IRAK3: variants seen among roughly 807,000 people sequenced by gnomAD.
IRAK3 encodes interleukin 1 receptor associated kinase 3, also known as interleukin-1 receptor-associated kinase 3.
Under a neutral mutation model 56.6 loss-of-function variants are expected in IRAK3, and 57 were observed. The ratio of observed to expected loss-of-function variants is 1.01; its 90% CI spans 0.81 to 1.26. The LOEUF (loss-of-function observed/expected upper bound fraction) is 1.26, where lower values mean the gene tolerates loss of function less well. Ranked by LOEUF, IRAK3 falls within the 50% of genes most tolerant of loss-of-function variation. The pLI is 0.00. For synonymous variants in IRAK3, 258 were observed against 255.7 expected (o/e 1.01, Z -0.09); for missense variants, 703 against 719.0 (o/e 0.98, Z 0.25).
intron 1 of IRAK3, chr12:66,196,772 C>T: frequency 8.5e-7 from 1 of 1,179,596 alleles, no homozygotes. Context: ...TTGTTTTACT[C>T]TTTTGGAATT....
chr12:66,222,685 G>A (rs923310207), intron 6 of IRAK3, among the ~76,000 whole-genome samples: 1 of 151,464 alleles, frequency 6.6e-6, no homozygotes, highest in Non-Finnish European at 1.5e-5. Flanking sequence ...TTAAAATTAG[G>A]CTTTTTTTAG....
chr12:66,196,052 A>G (rs2052449791), intron 1 of IRAK3, among the ~76,000 whole-genome samples: 1 of 151,254 alleles, frequency 6.6e-6, no homozygotes. Context: ...CCTCTCACAT[A>G]CTTTATGTAT....
chr12:66,246,675 A>C (rs1490814914), intron 11 of IRAK3, among the ~76,000 whole-genome samples: 1 of 152,242 alleles, frequency 6.6e-6, no homozygotes, highest in Admixed American at 6.5e-5. Context: ...CTCAGGCTTT[A>C]TCATCTATAA....
At chr12:66,247,673 C>A in intron 11 of IRAK3, 22 bp from the exon 12 acceptor site, 1 of 1,387,420 alleles carries the variant, frequency 7.2e-7, no homozygotes, top group Non-Finnish European at 1.0e-6. Context: ...AATTTAATGT[C>A]TGTTTGCTTC....
At chr12:66,246,984 A>T (rs190144408) in intron 11 of IRAK3, among the ~76,000 whole-genome samples, 1 of 152,262 alleles carries the variant, frequency 6.6e-6, no homozygotes, top group Non-Finnish European at 1.5e-5. Context: ...AACTTCTGGC[A>T]TTTAGTCAGG....
intron 5 of IRAK3, among the ~76,000 whole-genome samples, chr12:66,213,347 G>T (rs1039832113): frequency 1.3e-5 from 2 of 152,134 alleles, no homozygotes; most frequent in Non-Finnish European, 2.9e-5. Context: ...TTTGGGTGGG[G>T]ACACAGCAAA....
In IRAK3 at chr12:66,248,138, C is replaced by T. The variant is rs1481511911; in HGVS notation, c.1758C>T (p.Ser586=). The T allele has an allele frequency of 1.9e-6, 3 of 1,612,554 alleles. No homozygotes were observed. The highest frequency in any genetic ancestry group is 2.2e-5 in the East Asian group (1 of 44,866). The stretch of plus-strand genomic sequence containing the variant: ...AGAGCAGCTGTTCCTCCAAATTTTC[C>T]TGGGATGAATATGAACAGTACAAAA... ...PVESSCSSKF[S]WDEYEQYKKE is the part of the protein sequence containing the mutation. Residue 586 remains serine, a synonymous_variant, in exon 12 of 12, where the codon TCC becomes TCT. Coordinates refer to ENST00000261233, the MANE Select transcript of IRAK3 (RefSeq NM_007199.3).
At chr12:66,203,011 T>C (rs1592578513) in intron 1 of IRAK3, among the ~76,000 whole-genome samples, 1 of 152,234 alleles carries the variant, frequency 6.6e-6, no homozygotes, top group East Asian at 1.9e-4. Flanking sequence ...AAGGGACAGC[T>C]GTTTCTTACC....
chr12:66,197,980 A>G (rs1017283943), intron 1 of IRAK3: 2 of 985,134 alleles, frequency 2.0e-6, no homozygotes, highest in African/African-American at 1.7e-5. Context: ...ATTCCCTGGG[A>G]CTTGAAATGT....
At chr12:66,224,537 A>C (rs1370127) in intron 6 of IRAK3, among the ~76,000 whole-genome samples, 4 of 151,938 alleles carry the variant, frequency 2.6e-5, no homozygotes, top group African/African-American at 4.8e-5. Flanking sequence ...AATATTAAGG[A>C]AATTACCTTA....
chr12:66,245,487 A>G, intron 11 of IRAK3, among the ~76,000 whole-genome samples: 1 of 151,818 alleles, frequency 6.6e-6, no homozygotes. Flanking sequence ...AATTTAATGT[A>G]AAGACATAAA....
At chr12:66,218,660 A>G (rs1480720521) in intron 6 of IRAK3, among the ~76,000 whole-genome samples, 2 of 152,242 alleles carry the variant, frequency 1.3e-5, no homozygotes, top group Non-Finnish European at 2.9e-5. Flanking sequence ...TAAAAATTGT[A>G]TATATTAATG....
intron 5 of IRAK3, among the ~76,000 whole-genome samples, chr12:66,214,654 C>T (rs1010188706): frequency 2.5e-4 from 38 of 152,032 alleles, no homozygotes; most frequent in African/African-American, 8.9e-4. Context: ...ACCCGTGTTC[C>T]CAACCCTGAC....
rs1425051801 is a variant in IRAK3, at chr12:66,253,724, G to C, written c.*5553G>C. 1.3e-5 allele frequency: 2 copies of C among 152,150 alleles called. No individual in the cohort carries two copies. Among genetic ancestry groups the C allele is most frequent in the African/African-American group, 4.8e-5 (2 of 41,428 alleles). 9.4% of individuals were successfully genotyped at this position (152,150 alleles called of 1,614,324 possible). A position where few individuals can be genotyped will look rare whatever the true frequency, so the allele number is the denominator to read the frequency against. ...GAATGGCTTACTTGCGGAAATGCAG[G>C]CTCATTGTTGTGTCTAGTAGGTGCT... On this transcript the variant is annotated 3_prime_UTR_variant, in exon 12 of 12. Coordinates refer to ENST00000261233, the MANE Select transcript of IRAK3 (RefSeq NM_007199.3).
At chr12:66,219,028 T>C (rs2136931521) in intron 6 of IRAK3, among the ~76,000 whole-genome samples, 1 of 151,396 alleles carries the variant, frequency 6.6e-6, no homozygotes, top group East Asian at 1.9e-4. Context: ...TGAATAATAT[T>C]CCATCGTGTG....
At chr12:66,194,516 C>A (rs1439627407) in intron 1 of IRAK3, among the ~76,000 whole-genome samples, 1 of 152,108 alleles carries the variant, frequency 6.6e-6, no homozygotes, top group Non-Finnish European at 1.5e-5. Context: ...TCTTGAAGTG[C>A]TTTCTCCGCT....
chr12:66,224,509 A>G (rs1012410238), intron 6 of IRAK3, among the ~76,000 whole-genome samples: 7 of 152,166 alleles, frequency 4.6e-5, no homozygotes, highest in Non-Finnish European at 1.0e-4. Flanking sequence ...GACCTGAAGG[A>G]TGAGGTTTCT....
At chr12:66,215,470 C>T (rs1337458723) in intron 5 of IRAK3, among the ~76,000 whole-genome samples, 31 of 152,192 alleles carry the variant, frequency 2.0e-4, no homozygotes, top group Non-Finnish European at 1.5e-5. Flanking sequence ...TTACGTTATT[C>T]ACCCACCTCT....
intron 2 of IRAK3, 25 bp from the exon 3 acceptor site, chr12:66,209,431 C>T (rs1436099592): frequency 3.9e-6 from 6 of 1,530,046 alleles, no homozygotes; most frequent in South Asian, 2.2e-5. Context: ...TTTTTTGTAT[C>T]TACCTTCCCA....
Sources: gnomAD v4.1 joint callset for allele counts (sites outside exome capture counted in the v4.1 genomes callset) on GRCh38, gnomAD v4.1.1 for gene constraint, MANE v1.5 for transcripts, NCBI Gene and HGNC (gene_info 2026-07-23, HGNC 2026-07-21) for gene names.